Variants in RABEPK observed in about 807,000 individuals in gnomAD.
RABEPK encodes the protein 40 kDa Rab9 effector protein.
In RABEPK, 27 loss-of-function variants were observed where a neutral mutation model predicts 34.1. The ratio of observed to expected loss-of-function variants is 0.79; its 90% CI spans 0.58 to 1.09. RABEPK has a LOEUF of 1.09. Among genes scored for constraint, RABEPK ranks in the 50% least tolerant of loss-of-function variants. The pLI is 0.00. For missense variants in RABEPK, 449 were observed against 462.6 expected (o/e 0.97, Z 0.27); for synonymous variants, 172 against 169.2 (o/e 1.02, Z -0.13).
At chr9:125,233,622 G>C (rs964843645) in intron 7 of RABEPK, 66 bp from the exon 8 acceptor site, 2 of 1,524,758 alleles carry the variant, frequency 1.3e-6, no homozygotes, top group South Asian at 1.2e-5. Flanking sequence ...GATTACAGGC[G>C]TGAGCCACCG....
chr9:125,223,761 A>G (rs917077549), intron 5 of RABEPK, among the ~76,000 whole-genome samples: 2 of 150,560 alleles, frequency 1.3e-5, no homozygotes, highest in African/African-American at 2.4e-5. Flanking sequence ...TATAAGGAAC[A>G]TATTTATGCA....
intron 2 of RABEPK, among the ~76,000 whole-genome samples, chr9:125,203,386 G>A (rs924701584): frequency 6.6e-6 from 1 of 152,186 alleles, no homozygotes; most frequent in African/African-American, 2.4e-5. Context: ...ATTAGATTTG[G>A]ATTAAACTGG....
chr9:125,214,342 C>CTG (rs1341412407), intron 4 of RABEPK, among the ~76,000 whole-genome samples: 1 of 152,052 alleles, frequency 6.6e-6, no homozygotes, highest in Non-Finnish European at 1.5e-5. Flanking sequence ...GCCAGATATG[C>CTG]TGTATATATA....
intron 3 of RABEPK, 151 bp downstream of exon 3, chr9:125,207,872 T>G: frequency 1.1e-6 from 1 of 941,234 alleles, no homozygotes; most frequent in Non-Finnish European, 1.6e-6. Flanking sequence ...ACGCCTCTAA[T>G]CCCAGCACTT....
intron 5 of RABEPK, among the ~76,000 whole-genome samples, chr9:125,223,450 T>C (rs891344170): frequency 4.6e-5 from 7 of 152,078 alleles, no homozygotes; most frequent in African/African-American, 1.7e-4. Context: ...AGCAAGGCTC[T>C]GTCTCAAAAA....
intron 2 of RABEPK, among the ~76,000 whole-genome samples, chr9:125,204,805 C>T (rs905821481): frequency 1.3e-5 from 2 of 151,974 alleles, no homozygotes; most frequent in Non-Finnish European, 2.9e-5. Context: ...ACTTTTTGTC[C>T]CTCTCTTTTC....
At chr9:125,226,483 G>T (rs1831757749) in intron 5 of RABEPK, among the ~76,000 whole-genome samples, 1 of 152,042 alleles carries the variant, frequency 6.6e-6, no homozygotes, top group Non-Finnish European at 1.5e-5. Flanking sequence ...CTAGCACTTT[G>T]GGATGCCGAG....
chr9:125,222,941 G>C (rs1220248689), intron 5 of RABEPK, among the ~76,000 whole-genome samples: 1 of 151,820 alleles, frequency 6.6e-6, no homozygotes, highest in Non-Finnish European at 1.5e-5. Context: ...CAAAGTGCTG[G>C]GATTACAGGC....
At chr9:125,232,251 C>T (rs111821398) in intron 6 of RABEPK, among the ~76,000 whole-genome samples, 2 of 149,396 alleles carry the variant, frequency 1.3e-5, no homozygotes, top group Admixed American at 1.3e-4. Flanking sequence ...CACACAGAGA[C>T]AGAGAGAGAG....
At chr9:125,214,602 G>A (rs954751246) in intron 4 of RABEPK, among the ~76,000 whole-genome samples, 23 of 152,216 alleles carry the variant, frequency 1.5e-4, no homozygotes, top group South Asian at 6.2e-4. Context: ...TGGGAACGTC[G>A]CTACTGAGAG....
In RABEPK at chr9:125,227,922, G is replaced by C. The variant is rs763615704; in HGVS notation, c.539G>C (p.Trp180Ser). The C allele has an allele frequency of 2.5e-6, 4 of 1,594,782 alleles. No individual in the cohort carries two copies. The African/African-American group carries it at 4.1e-5, about 16-fold the overall frequency. Residue 180 changes from tryptophan to serine, a missense_variant, in exon 6 of 8, where the codon TGG becomes TCG. Trp to Ser is a radical substitution (Grantham distance 177, BLOSUM62 -3). Transcript: ENST00000373538. The stretch of plus-strand genomic sequence containing the variant: ...TTTACTTTTCTAGACACTCTGACCT[G>C]GTCACAGCCAGAGACACTTGGAAAT... ...LHVFDANTLT[W>S]SQPETLGNPP...
intron 3 of RABEPK, among the ~76,000 whole-genome samples, chr9:125,208,663 GAAGCTGGGATTAC>G (rs1479326965): frequency 6.7e-6 from 1 of 149,774 alleles, no homozygotes; most frequent in East Asian, 2.0e-4. Context: ...AGCCTCCTGA[GAAGCTGGGATTAC>G]AGGCGCCCAC....
chr9:125,201,058 C>G (rs1829876965), intron 1 of RABEPK, among the ~76,000 whole-genome samples, 152 bp downstream of exon 1: 1 of 152,232 alleles, frequency 6.6e-6, no homozygotes, highest in Non-Finnish European at 1.5e-5. Flanking sequence ...GGAATTTAAT[C>G]TAGAATCTAG....
At chr9:125,219,632 C>T (rs1395126232) in intron 4 of RABEPK, among the ~76,000 whole-genome samples, 1 of 151,790 alleles carries the variant, frequency 6.6e-6, no homozygotes, top group Non-Finnish European at 1.5e-5. Flanking sequence ...AGAACTCCTA[C>T]CCTCAAGTGA....
At position 125,217,387 on chromosome 9, in the gene RABEPK, T is replaced by TTTTA. The variant is rs576015462; in HGVS notation, c.365-3132_365-3129dup. Among the ~76,000 whole-genome samples the TTTTA allele has an allele frequency of 3.9e-3, 591 of 152,122 alleles. 5 individuals are homozygous for TTTTA. Among genetic ancestry groups the TTTTA allele is most frequent in the Middle Eastern group, 0.01 (3 of 294 alleles). On this transcript the variant is annotated intron_variant, in intron 4 of 7. Transcript: ENST00000373538. ...AAAGCTGTCAAAGAGGGTGATTTTATTTTATTTATTTATTTATTTATTTTT... is the reference window on the plus strand; with the variant it reads ...AAAGCTGTCAAAGAGGGTGATTTTATTTTATTTATTTATTTATTTATTTATTTTT...
chr9:125,208,540 AT>A lies in RABEPK; in HGVS notation c.211+833del, dbSNP rs796283802. 8.7e-3 allele frequency among the ~76,000 whole-genome samples: 1,205 copies of A among 138,140 alleles called. 11 individuals carry two copies. The highest frequency in any genetic ancestry group is 0.021 in the African/African-American group (797 of 37,522). The allele number at this position is 138,140 out of a possible 152,430, so 90.6% of individuals were successfully genotyped here. ...AGGCATGTGCCACCATGCCCAGCTA[AT>A]TTTTTTTTTTTTTAGACGGAGTCCC... On this transcript the variant is annotated intron_variant, in intron 3 of 7. Coordinates refer to ENST00000373538, the MANE Select transcript of RABEPK (RefSeq NM_005833.4).
At chr9:125,202,248 C>T (rs1272116889) in intron 1 of RABEPK, among the ~76,000 whole-genome samples, 1 of 151,668 alleles carries the variant, frequency 6.6e-6, no homozygotes, top group Non-Finnish European at 1.5e-5. Context: ...AAGCCAGGCA[C>T]GGTGGCTCAT....
intron 5 of RABEPK, chr9:125,220,936 G>A (rs1485355097): frequency 6.6e-6 from 3 of 452,472 alleles, no homozygotes; most frequent in African/African-American, 2.0e-5. Context: ...GAAGGCTGAG[G>A]CAGGTGGACC....
At position 125,207,729 on chromosome 9, in the gene RABEPK, C is replaced by A; in HGVS notation, c.211+8C>A. ...TGCACACCATGGATCTGGGTAAGAT[C>A]AGCAGCTGCAGAGTACATGCCCTAT... On this transcript the variant is annotated splice_region_variant and intron_variant, in intron 3 of 7. Coordinates refer to ENST00000373538, the MANE Select transcript of RABEPK (RefSeq NM_005833.4). 2 of 1,613,938 alleles carry A rather than the reference C, an allele frequency of 1.2e-6. No individual in the cohort carries two copies. The highest frequency in any genetic ancestry group is 1.7e-6 in the Non-Finnish European group (2 of 1,179,874).
Sources: allele counts gnomAD v4.1 joint callset (sites outside exome capture counted in the v4.1 genomes callset), GRCh38; gene constraint gnomAD v4.1.1; transcripts MANE v1.5; gene names NCBI Gene and HGNC (gene_info 2026-07-23, HGNC 2026-07-21).